CSRNP3: variants seen among roughly 807,000 people sequenced by gnomAD.
CSRNP3 encodes the protein cysteine/serine-rich nuclear protein 3.
A neutral mutation model predicts 48.0 loss-of-function variants in CSRNP3; 12 were observed. That is an observed-to-expected ratio of 0.25 (90% CI 0.16 to 0.41). CSRNP3 has a LOEUF of 0.41. CSRNP3 is among the 10% of genes least tolerant of loss of function. The pLI is 1.00. For missense variants in CSRNP3, 580 were observed against 724.4 expected (o/e 0.80, Z 2.29); for synonymous variants, 263 against 269.7 (o/e 0.98, Z 0.24).
chr2:165,633,230 C>T, intron 4 of CSRNP3, among the ~76,000 whole-genome samples: 1 of 152,070 alleles, frequency 6.6e-6, no homozygotes, highest in East Asian at 1.9e-4. Context: ...AGGAAGGCAG[C>T]CAAGATTGTC....
intron 3 of CSRNP3, among the ~76,000 whole-genome samples, chr2:165,524,899 A>G (rs561646521): frequency 6.6e-6 from 1 of 152,334 alleles, no homozygotes; most frequent in South Asian, 2.1e-4. Flanking sequence ...ATATCCACGT[A>G]GAAATTTGTG....
rs73031640 is a variant in CSRNP3, at chr2:165,657,103, A to T, written c.149-658A>T. On this transcript the variant is annotated intron_variant, in intron 4 of 6. Transcript: ENST00000651982. ...ACTGTCCCATTCCCATTCCCCAAGG[A>T]TTTGAATCTTCTCTTTGTCCAGCAC... Among the ~76,000 whole-genome samples the T allele has an allele frequency of 3.9e-3, 597 of 152,238 alleles. 4 individuals carry two copies. Among genetic ancestry groups the T allele is most frequent in the African/African-American group, 0.013 (556 of 41,550 alleles).
At chr2:165,473,753 T>C (rs1021182965) in intron 1 of CSRNP3, among the ~76,000 whole-genome samples, 18 of 152,194 alleles carry the variant, frequency 1.2e-4, no homozygotes, top group African/African-American at 4.3e-4. Context: ...GGGCAGATCA[T>C]TTGATTTCTC....
chr2:165,615,489 G>A (rs1686222819), intron 4 of CSRNP3, among the ~76,000 whole-genome samples: 1 of 151,094 alleles, frequency 6.6e-6, no homozygotes, highest in African/African-American at 2.4e-5. Context: ...CTTGCAGTGA[G>A]CCAAGATTGC....
intron 1 of CSRNP3, among the ~76,000 whole-genome samples, chr2:165,476,766 T>C (rs1683967404): frequency 6.6e-6 from 1 of 152,240 alleles, no homozygotes; most frequent in African/African-American, 2.4e-5. Context: ...AGTTTTCTTA[T>C]CTGTAAAATT....
At chr2:165,663,365 TAGTGTC>T (rs1443663938) in intron 5 of CSRNP3, among the ~76,000 whole-genome samples, 3 of 152,198 alleles carry the variant, frequency 2.0e-5, no homozygotes, top group Admixed American at 6.6e-5. Flanking sequence ...ACAGCATACT[TAGTGTC>T]AGAGCTTCCG....
chr2:165,602,084 C>T lies in CSRNP3; in HGVS notation c.148+6871C>T, dbSNP rs144180215. Among the ~76,000 whole-genome samples the T allele has an allele frequency of 8.1e-4, 124 of 152,244 alleles. No individual in the cohort carries two copies. In the East Asian group the frequency reaches 0.015, roughly 18 times the overall value. On this transcript the variant is annotated intron_variant, in intron 4 of 6. Transcript: ENST00000651982. Reference sequence around the variant, plus strand: ...GTTTGAGAACTAACTTTAGCAAAGACATATGTCGCAATCTACCCTGACTCA... The same window carrying T: ...GTTTGAGAACTAACTTTAGCAAAGATATATGTCGCAATCTACCCTGACTCA...
intron 4 of CSRNP3, among the ~76,000 whole-genome samples, chr2:165,605,933 G>C (rs995345720): frequency 1.3e-5 from 2 of 152,042 alleles, no homozygotes; most frequent in African/African-American, 4.8e-5. Flanking sequence ...CAAATAGGGA[G>C]CATAGAATCA....
intron 2 of CSRNP3, among the ~76,000 whole-genome samples, chr2:165,498,664 C>T (rs1684313488): frequency 6.6e-6 from 1 of 152,094 alleles, no homozygotes. Context: ...TTATCTATAA[C>T]AATGAATCTA....
At chr2:165,470,442 G>A (rs1683878259) in intron 1 of CSRNP3, among the ~76,000 whole-genome samples, 1 of 152,018 alleles carries the variant, frequency 6.6e-6, no homozygotes, top group Admixed American at 6.6e-5. Context: ...ACCTAATTTT[G>A]AAAGATTAAA....
intron 3 of CSRNP3, among the ~76,000 whole-genome samples, chr2:165,578,635 TCTTA>T (rs71028494): frequency 0.049 from 7,455 of 152,120 alleles, 254 homozygotes; most frequent in Middle Eastern, 0.075. Context: ...GCCTGAGGAT[TCTTA>T]CTTTAACAAA....
At chr2:165,648,811 G>A (rs1686856763) in intron 4 of CSRNP3, among the ~76,000 whole-genome samples, 1 of 152,192 alleles carries the variant, frequency 6.6e-6, no homozygotes, top group South Asian at 2.1e-4. Context: ...GTCAAAGTGT[G>A]TGTTAAATTT....
intron 1 of CSRNP3, among the ~76,000 whole-genome samples, chr2:165,480,621 A>G (rs189593637): frequency 1.1e-3 from 160 of 151,932 alleles, no homozygotes; most frequent in Non-Finnish European, 1.6e-3. Context: ...ATCCCAATGC[A>G]CCCTTAAAGA....
At chr2:165,592,022 A>G (rs1416547456) in intron 3 of CSRNP3, among the ~76,000 whole-genome samples, 2 of 152,150 alleles carry the variant, frequency 1.3e-5, no homozygotes, top group African/African-American at 2.4e-5. Context: ...CAAACACTCA[A>G]TGTCAGCCCG....
At chr2:165,593,737 A>T (rs1444307441) in intron 3 of CSRNP3, among the ~76,000 whole-genome samples, 1 of 152,186 alleles carries the variant, frequency 6.6e-6, no homozygotes, top group Non-Finnish European at 1.5e-5. Context: ...GAAAAAGGAG[A>T]CAATGTCTTC....
intron 4 of CSRNP3, among the ~76,000 whole-genome samples, chr2:165,601,097 C>G (rs1401082630): frequency 1.3e-5 from 2 of 152,188 alleles, no homozygotes; most frequent in Non-Finnish European, 2.9e-5. Context: ...TACCAGTCAT[C>G]AACCAAGGTC....
In CSRNP3 at chr2:165,528,092, T is replaced by A. The variant is rs116123120; in HGVS notation, c.-24+10131T>A. Among the ~76,000 whole-genome samples, 1,268 of 152,234 alleles carry A rather than the reference T, an allele frequency of 8.3e-3. 14 individuals carry two copies. Among genetic ancestry groups the A allele is most frequent in the African/African-American group, 0.028 (1,170 of 41,540 alleles). On this transcript the variant is annotated intron_variant, in intron 3 of 6. Transcript: ENST00000651982. ...ATATTATGTCTATAAATTAGCAAAGTTTTTTTATTACATATTTGTTTCCCA... is the reference window on the plus strand; with the variant it reads ...ATATTATGTCTATAAATTAGCAAAGATTTTTTATTACATATTTGTTTCCCA...
intron 4 of CSRNP3, among the ~76,000 whole-genome samples, chr2:165,627,146 A>C (rs1686449484): frequency 6.6e-6 from 1 of 152,082 alleles, no homozygotes; most frequent in Admixed American, 6.5e-5. Context: ...TTTGACTACT[A>C]TGGAAACCTT....
chr2:165,509,325 T>C (rs1480896248), intron 2 of CSRNP3, among the ~76,000 whole-genome samples: 1 of 152,102 alleles, frequency 6.6e-6, no homozygotes, highest in Non-Finnish European at 1.5e-5. Context: ...CCATGTAATA[T>C]GTGGGGTAGG....
Sources: allele counts gnomAD v4.1 joint callset (sites outside exome capture counted in the v4.1 genomes callset), GRCh38; gene constraint gnomAD v4.1.1; transcripts MANE v1.5; gene names NCBI Gene and HGNC (gene_info 2026-07-23, HGNC 2026-07-21).